The following MAPK10 variants were observed in gnomAD, a reference collection of about 807,000 sequenced individuals.
The protein encoded by MAPK10 is mitogen-activated protein kinase 10.
In MAPK10, 25 loss-of-function variants were observed where a neutral mutation model predicts 59.3. That is an observed-to-expected ratio of 0.42 (90% CI 0.31 to 0.59). The LOEUF (loss-of-function observed/expected upper bound fraction) is 0.59, where lower values mean the gene tolerates loss of function less well. Among genes scored for constraint, MAPK10 ranks in the 20% least tolerant of loss-of-function variants. MAPK10 has a pLI of 0.15. For synonymous variants in MAPK10, 190 were observed against 200.5 expected (o/e 0.95, Z 0.44); for missense variants, 351 against 568.9 (o/e 0.62, Z 3.90).
At chr4:86,545,895 C>A (rs1759110987) in intron 1 of MAPK10, among the ~76,000 whole-genome samples, 1 of 152,208 alleles carries the variant, frequency 6.6e-6, no homozygotes, top group South Asian at 2.1e-4. Flanking sequence ...ACCACTGCAA[C>A]AACATTGGCT....
intron 1 of MAPK10, among the ~76,000 whole-genome samples, chr4:86,520,671 G>A (rs977718120): frequency 1.3e-4 from 20 of 152,060 alleles, no homozygotes; most frequent in African/African-American, 4.6e-4. Flanking sequence ...GCGATCTTTT[G>A]GGGGTGTGAT....
intron 11 of MAPK10, among the ~76,000 whole-genome samples, chr4:86,043,802 T>C (rs917749933): frequency 6.6e-6 from 1 of 152,154 alleles, no homozygotes; most frequent in Non-Finnish European, 1.5e-5. Flanking sequence ...TTCATCATTC[T>C]ACTACCATTC....
At chr4:86,100,877 T>C (rs1284722031) in intron 8 of MAPK10, 175 bp downstream of exon 8, 4 of 534,636 alleles carry the variant, frequency 7.5e-6, no homozygotes, top group Non-Finnish European at 1.3e-5. Context: ...ATAACATCCT[T>C]CACATTTTTA....
At chr4:86,315,332 C>T (rs745668004) in intron 2 of MAPK10, among the ~76,000 whole-genome samples, 2 of 151,880 alleles carry the variant, frequency 1.3e-5, no homozygotes, top group Non-Finnish European at 2.9e-5. Context: ...TAAGACCTAG[C>T]GTTTGAAAGC....
At chr4:86,456,351 G>T (rs979082628), upstream of MAPK10, among the ~76,000 whole-genome samples, 1 of 151,894 alleles carries the variant, frequency 6.6e-6, no homozygotes, top group Non-Finnish European at 1.5e-5. Flanking sequence ...CAACAAAAAA[G>T]ATAAGTAAAA....
At chr4:86,262,726 GTC>G (rs2094053467) in intron 2 of MAPK10, among the ~76,000 whole-genome samples, 1 of 152,224 alleles carries the variant, frequency 6.6e-6, no homozygotes, top group Non-Finnish European at 1.5e-5. Flanking sequence ...CAGCTCTCAA[GTC>G]TCATTTGATC....
intron 1 of MAPK10, among the ~76,000 whole-genome samples, chr4:86,586,591 T>C (rs1762668096): frequency 6.6e-6 from 1 of 152,212 alleles, no homozygotes; most frequent in East Asian, 1.9e-4. Flanking sequence ...TAACTATGAC[T>C]TTCTAAAGAT....
chr4:86,233,493 C>A (rs147552874), intron 2 of MAPK10, among the ~76,000 whole-genome samples: 1 of 152,170 alleles, frequency 6.6e-6, no homozygotes, highest in Non-Finnish European at 1.5e-5. Flanking sequence ...TAACCTCCCT[C>A]CCCCAAGGAG....
chr4:86,200,788 T>C (rs1190601640), intron 2 of MAPK10, among the ~76,000 whole-genome samples: 2 of 151,966 alleles, frequency 1.3e-5, no homozygotes, highest in Non-Finnish European at 2.9e-5. Context: ...GCATACAATG[T>C]GTAATGACTA....
At chr4:86,592,859 C>CT (rs1423673873) in intron 1 of MAPK10, among the ~76,000 whole-genome samples, 19 of 152,334 alleles carry the variant, frequency 1.2e-4, no homozygotes, top group African/African-American at 4.6e-4. Context: ...AGCAAACTTT[C>CT]TCTTAGCTGC....
intron 1 of MAPK10, among the ~76,000 whole-genome samples, chr4:86,448,315 T>A (rs1387398844): frequency 6.6e-6 from 1 of 152,076 alleles, no homozygotes; most frequent in African/African-American, 2.4e-5. Flanking sequence ...CTCTATTTTT[T>A]TGTCAGAATT....
At chr4:86,156,310 C>T (rs1230323794) in intron 4 of MAPK10, among the ~76,000 whole-genome samples, 3 of 151,824 alleles carry the variant, frequency 2.0e-5, no homozygotes, top group Non-Finnish European at 2.9e-5. Context: ...TAAAATGTAT[C>T]ATCTTATTTT....
At chr4:86,574,169 C>T (rs888474053) in intron 1 of MAPK10, among the ~76,000 whole-genome samples, 3 of 151,298 alleles carry the variant, frequency 2.0e-5, no homozygotes, top group Admixed American at 6.6e-5. Context: ...GGTTTTTTGT[C>T]CTTGCGACAG....
At chr4:86,432,987 G>T (rs1665143895) in intron 1 of MAPK10, among the ~76,000 whole-genome samples, 1 of 152,170 alleles carries the variant, frequency 6.6e-6, no homozygotes, top group Admixed American at 6.5e-5. Context: ...AAGGGTAAAA[G>T]CTGAAGATAA....
chr4:86,145,805 A>G (rs926405279), intron 4 of MAPK10, among the ~76,000 whole-genome samples: 2 of 151,808 alleles, frequency 1.3e-5, no homozygotes, highest in East Asian at 3.9e-4. Flanking sequence ...TTCTTTCCAC[A>G]TGCCTTACCT....
chr4:86,592,729 C>A (rs562170078), intron 1 of MAPK10, among the ~76,000 whole-genome samples: 1 of 152,340 alleles, frequency 6.6e-6, no homozygotes, highest in East Asian at 1.9e-4. Context: ...CTTATCCCTG[C>A]TGCTGCTGTT....
intron 10 of MAPK10, among the ~76,000 whole-genome samples, chr4:86,065,783 T>C (rs1453277818): frequency 1.3e-5 from 2 of 152,230 alleles, no homozygotes; most frequent in African/African-American, 4.8e-5. Context: ...CAGTTTATTC[T>C]AACTATATGG....
intron 10 of MAPK10, 77 bp from the exon 11 acceptor site, chr4:86,064,467 A>T: frequency 7.1e-7 from 1 of 1,408,610 alleles, no homozygotes; most frequent in Non-Finnish European, 1.0e-6. Context: ...GAAATTTAAG[A>T]AAACAAAGTA....
At position 86,428,558 on chromosome 4, in the gene MAPK10, GGATA is replaced by G. The variant is rs547873601; in HGVS notation, c.-122+24468_-122+24471del. Among the ~76,000 whole-genome samples, 156 of 151,976 alleles carry G rather than the reference GGATA, an allele frequency of 1.0e-3. 2 individuals carry two copies. The highest frequency in any genetic ancestry group is 3.0e-3 in the African/African-American group (125 of 41,428). ...TCTTCTGTTTTGGGAAAACTAAGAT[GGATA>G]GATAGATAGATAGATAGACAGATAG... is the stretch of plus-strand genomic sequence containing the variant. On this transcript the variant is annotated intron_variant, in intron 1 of 13. Coordinates refer to the MAPK10 transcript ENST00000361569.
Sources: gnomAD v4.1 joint callset for allele counts (sites outside exome capture counted in the v4.1 genomes callset) on GRCh38, gnomAD v4.1.1 for gene constraint, MANE v1.5 for transcripts, NCBI Gene and HGNC (gene_info 2026-07-23, HGNC 2026-07-21) for gene names.